Variants in KLRG2 observed in about 807,000 individuals in gnomAD.
KLRG2 encodes the protein killer cell lectin like receptor G2.
Under a neutral mutation model 35.4 loss-of-function variants are expected in KLRG2, and 39 were observed. The ratio of observed to expected loss-of-function variants is 1.10; its 90% CI spans 0.85 to 1.44. The LOEUF (loss-of-function observed/expected upper bound fraction) is 1.44, where lower values mean the gene tolerates loss of function less well. KLRG2 is among the 40% of genes most tolerant of loss of function. The probability of loss-of-function intolerance (pLI) is 0.00; values close to 1 mark genes in which losing one functional copy is unlikely to be tolerated. For missense variants in KLRG2, 632 were observed against 570.9 expected (o/e 1.11, Z -1.09); for synonymous variants, 283 against 265.8 (o/e 1.06, Z -0.63).
chr7:139,481,611 A>G (rs2116487842), intron 1 of KLRG2, among the ~76,000 whole-genome samples: 1 of 151,426 alleles, frequency 6.6e-6, no homozygotes, highest in East Asian at 1.9e-4. Flanking sequence ...AGCACCCCCT[A>G]CTCCTACTCA....
intron 3 of KLRG2, among the ~76,000 whole-genome samples, chr7:139,475,761 G>A (rs538744347): frequency 1.3e-5 from 2 of 152,106 alleles, no homozygotes; most frequent in African/African-American, 4.8e-5. Context: ...AAGAGGGAAC[G>A]TGGGAGTCCA....
At position 139,481,207 on chromosome 7, in the gene KLRG2, A is replaced by G. The variant is rs142373027; in HGVS notation, c.758-960T>C. 5.3e-3 allele frequency among the ~76,000 whole-genome samples: 807 copies of G among 152,330 alleles called. 9 individuals are homozygous for G. Among genetic ancestry groups the G allele is most frequent in the African/African-American group, 0.018 (762 of 41,576 alleles). On this transcript the variant is annotated intron_variant, in intron 1 of 4. Coordinates refer to ENST00000340940, the MANE Select transcript of KLRG2 (RefSeq NM_198508.4). The stretch of plus-strand genomic sequence containing the variant: ...AAAAGGGAGTCTCCCCTAGACCCCC[A>G]GAAAGGAATGCAGCCCCACTGAAAA...
At chr7:139,437,471 G>A in the KLRG2 span, among the ~76,000 whole-genome samples, 1 of 142,228 alleles carries the variant, frequency 7.0e-6, no homozygotes, top group South Asian at 2.3e-4. Flanking sequence ...TAGTTTGTTT[G>A]TTTGAGACAG....
intron 3 of KLRG2, among the ~76,000 whole-genome samples, chr7:139,465,863 C>T (rs187286228): frequency 6.6e-4 from 101 of 152,160 alleles, no homozygotes; most frequent in African/African-American, 2.4e-3. Flanking sequence ...TTTTCTCCTT[C>T]TCATCTGGCC....
At chr7:139,462,293 AGCAAGCACTGCTTTTCTTGGGG>A (rs1796581786) in intron 3 of KLRG2, among the ~76,000 whole-genome samples, 1 of 152,132 alleles carries the variant, frequency 6.6e-6, no homozygotes, top group Non-Finnish European at 1.5e-5. Flanking sequence ...CACCCTTAGC[AGCAAGCACTGCTTTTCTTGGGG>A]GCAAGCACCC....
At chr7:139,446,759 C>A in the KLRG2 span, among the ~76,000 whole-genome samples, 5 of 151,922 alleles carry the variant, frequency 3.3e-5, no homozygotes, top group Non-Finnish European at 7.4e-5. Flanking sequence ...CTTCTGACAC[C>A]CAACCTCCTC....
At chr7:139,435,870 T>C in the KLRG2 span, among the ~76,000 whole-genome samples, 3 of 151,954 alleles carry the variant, frequency 2.0e-5, no homozygotes, top group Admixed American at 1.3e-4. Context: ...ATCTTTTTGG[T>C]GAAGTGTCTA....
intron 3 of KLRG2, among the ~76,000 whole-genome samples, chr7:139,460,052 A>G (rs958484828): frequency 6.6e-6 from 1 of 151,782 alleles, no homozygotes; most frequent in Non-Finnish European, 1.5e-5. Context: ...GCCTGGCCAT[A>G]TTTGTATATT....
At position 139,483,013 on chromosome 7, in the gene KLRG2, G is replaced by A; in HGVS notation, c.630C>T (p.Ala210=). The change falls in exon 1 of 5, where the codon GCC becomes GCT. Residue 210 remains alanine (A), a synonymous_variant. Coordinates refer to ENST00000340940, the MANE Select transcript of KLRG2 (RefSeq NM_198508.4). ...AGCACGTGGGGGAGCCCGGGGAGCC[G>A]GCGCTTCCTTCCGCGGGGCTGGCCC... ...EGRASPAEGS[A]GSPGSPTCCR... 3 of 1,372,282 alleles carry A rather than the reference G, an allele frequency of 2.2e-6. No homozygotes were observed. Among genetic ancestry groups the A allele is most frequent in the East Asian group, 3.1e-5 (1 of 32,492 alleles). The allele number at this position is 1,372,282 out of a possible 1,614,324, so 85.0% of individuals were successfully genotyped here. A position where few individuals can be genotyped will look rare whatever the true frequency, so the allele number is the denominator to read the frequency against.
intron 3 of KLRG2, among the ~76,000 whole-genome samples, chr7:139,469,221 G>A (rs544340021): frequency 7.2e-5 from 11 of 152,266 alleles, no homozygotes; most frequent in Non-Finnish European, 1.5e-4. Flanking sequence ...GTGCGGTGGT[G>A]CGATCTTTGC....
At chr7:139,478,975 C>T (rs963735138) in intron 3 of KLRG2, among the ~76,000 whole-genome samples, 2 of 152,146 alleles carry the variant, frequency 1.3e-5, no homozygotes, top group South Asian at 2.1e-4. Context: ...CCTGTAATTC[C>T]AGCACTTTGG....
chr7:139,452,363 T>C (rs776692784), downstream of KLRG2, among the ~76,000 whole-genome samples: 2 of 152,206 alleles, frequency 1.3e-5, no homozygotes, highest in African/African-American at 2.4e-5. Flanking sequence ...GACAAGTTGA[T>C]GGGTGCAGCA....
intron 3 of KLRG2, among the ~76,000 whole-genome samples, chr7:139,475,251 G>A (rs535673492): frequency 1.3e-3 from 201 of 152,326 alleles, no homozygotes; most frequent in African/African-American, 4.7e-3. Flanking sequence ...CTTGTCCCAG[G>A]CTGGGCGCGG....
At position 139,479,892 on chromosome 7, in the gene KLRG2, A is replaced by G. The variant is rs1190903323; in HGVS notation, c.860-120T>C. 3 of 1,203,162 alleles carry G rather than the reference A, an allele frequency of 2.5e-6. No homozygotes were observed. The Admixed American group carries it at 7.5e-5, about 30-fold the overall frequency. 74.5% of individuals were successfully genotyped at this position (1,203,162 alleles called of 1,614,324 possible). The stretch of plus-strand genomic sequence containing the variant: ...CAAACCTCAAGGTGGGCAGGGCCCC[A>G]GGGAGCTTTTATAGTCTGTGCAGTG... On this transcript the variant is annotated intron_variant, in intron 2 of 4. Transcript: ENST00000340940.
chr7:139,465,902 G>A (rs887293834), intron 3 of KLRG2, among the ~76,000 whole-genome samples: 1 of 151,882 alleles, frequency 6.6e-6, no homozygotes, highest in Non-Finnish European at 1.5e-5. Context: ...ACTCAAACTT[G>A]CACCTATCAA....
intron 3 of KLRG2, among the ~76,000 whole-genome samples, chr7:139,476,063 T>A (rs991735249): frequency 1.3e-5 from 2 of 152,176 alleles, no homozygotes; most frequent in African/African-American, 2.4e-5. Context: ...GCCAAGTGAT[T>A]GTTAGCTTGG....
the KLRG2 span, among the ~76,000 whole-genome samples, chr7:139,447,635 TCAAGTGATCTGCCCA>T: frequency 6.6e-6 from 1 of 152,050 alleles, no homozygotes; most frequent in South Asian, 2.1e-4. Flanking sequence ...ACTCCTGACC[TCAAGTGATCTGCCCA>T]CCTCGGCCTC....
chr7:139,482,888 G>A lies in KLRG2; in HGVS notation c.755C>T (p.Thr252Met). Residue 252 changes from threonine (T) to methionine (M), a missense_variant and splice_region_variant, in exon 1 of 5, where the codon ACG (threonine) becomes ATG (methionine). Physicochemically the swap from Thr to Met is moderately conservative, Grantham distance 81 (BLOSUM62 -1). Transcript: ENST00000340940. Reference protein sequence around the residue: ...DEKLPRAVTLTGLPMYVKSLY... With the variant: ...DEKLPRAVTLMGLPMYVKSLY... Reference sequence around the variant, plus strand: ...TGCCGGCGCAGGTGAGCACTCACCCGTAAGCGTTACGGCCCGGGGCAGCTT... The same window carrying A: ...TGCCGGCGCAGGTGAGCACTCACCCATAAGCGTTACGGCCCGGGGCAGCTT... 1 of 1,470,548 alleles carries A rather than the reference G, an allele frequency of 6.8e-7. No individual in the cohort carries two copies. The highest frequency in any genetic ancestry group is 8.9e-7 in the Non-Finnish European group (1 of 1,122,672). The allele number at this position is 1,470,548 out of a possible 1,614,324, so 91.1% of individuals were successfully genotyped here.
At chr7:139,444,540 G>A in the KLRG2 span, among the ~76,000 whole-genome samples, 4 of 152,292 alleles carry the variant, frequency 2.6e-5, no homozygotes, top group South Asian at 8.3e-4. Flanking sequence ...AGACACTAAA[G>A]AGCTTGCTCC....
Sources: allele counts gnomAD v4.1 joint callset (sites outside exome capture counted in the v4.1 genomes callset), GRCh38; gene constraint gnomAD v4.1.1; transcripts MANE v1.5; gene names NCBI Gene and HGNC (gene_info 2026-07-23, HGNC 2026-07-21).